Variants in TAF1 observed in about 807,000 individuals in gnomAD.
TAF1 encodes transcription initiation factor TFIID subunit 1.
In TAF1, 2 loss-of-function variants were observed where a neutral mutation model predicts 138.5. The ratio of observed to expected loss-of-function variants is 0.01; its 90% confidence interval spans 0.01 to 0.05. TAF1 has a LOEUF of 0.05. Among genes scored for constraint, TAF1 ranks in the 10% least tolerant of loss-of-function variants. The pLI is 1.00. For synonymous variants in TAF1, 437 were observed against 503.2 expected, an observed-to-expected ratio of 0.87 and a Z score of 1.76; for missense variants, 709 against 1,478.0, an observed-to-expected ratio of 0.48 and a Z score of 8.53.
intron 28 of TAF1, among the ~76,000 whole-genome samples, chrX:71,412,326 A>G (rs985769516): frequency 1.8e-5 from 2 of 108,260 alleles, no homozygotes; most frequent in Non-Finnish European, 3.8e-5. Context: ...CAAGAGTCTC[A>G]CTATGTTGCC....
At chrX:71,510,075 T>G (rs2039704152) in intron 13 of TAF1, among the ~76,000 whole-genome samples, 2 of 110,902 alleles carry the variant, frequency 1.8e-5, no homozygotes, top group South Asian at 7.7e-4. Flanking sequence ...GGCAGGAGGA[T>G]CACTTCAGCC....
chrX:71,488,679 T>G (rs749430373), intron 13 of TAF1, among the ~76,000 whole-genome samples: 1 of 111,783 alleles, frequency 8.9e-6, no homozygotes, highest in Non-Finnish European at 1.9e-5. Context: ...GTCTTTCTTC[T>G]TAGCTCAGAG....
intron 14 of TAF1, 72 bp downstream of exon 14, chrX:71,385,121 G>T (rs901042661): frequency 1.3e-6 from 1 of 782,863 alleles, no homozygotes; most frequent in African/African-American, 2.1e-5. Context: ...AGCTCAGAAA[G>T]AACTATTATA....
chrX:71,383,149 C>CA lies in TAF1; in HGVS notation c.1940dup (p.Ala648GlyfsTer31), dbSNP rs745516519. 3 of 1,196,958 alleles carry CA rather than the reference C, an allele frequency of 2.5e-6. No homozygotes were observed. Among genetic ancestry groups the CA allele is most frequent in the Admixed American group, 2.3e-5 (1 of 42,685 alleles). Reference sequence around the variant, plus strand: ...CAGTCCAACCTTTGCTAAAGCACATCAAAAAAAAGGCCAAGGTATAATTGA... The same window carrying CA: ...CAGTCCAACCTTTGCTAAAGCACATCAAAAAAAAAGGCCAAGGTATAATTGA... On this transcript the variant is annotated frameshift_variant, in exon 12 of 38. Transcript: ENST00000423759. LOFTEE classifies it high-confidence loss of function.
At chrX:71,424,568 C>T (rs1197958145) in intron 32 of TAF1, among the ~76,000 whole-genome samples, 5 of 109,946 alleles carry the variant, frequency 4.5e-5, no homozygotes, top group South Asian at 3.9e-4. Flanking sequence ...AATTTATGTG[C>T]GTAAAGCAAC....
chrX:71,408,204 C>G lies in TAF1; in HGVS notation c.4384+53C>G, dbSNP rs762729784. 2.6e-6 allele frequency: 3 copies of G among 1,167,656 alleles called. No homozygotes were observed. The Admixed American group carries it at 7.0e-5, about 27-fold the overall frequency. ...AAGGTCACTGTTCAGATCCTTATTC[C>G]TTACTGGCCCTAAATTCAGACTAGA... On this transcript the variant is annotated intron_variant, in intron 28 of 37. Coordinates refer to ENST00000423759, the MANE Select transcript of TAF1 (RefSeq NM_004606.5).
In TAF1 at chrX:71,406,663, C is replaced by T. The variant is rs200933793; in HGVS notation, c.4024C>T (p.Leu1342=). ...ESADEVRRKS[L]VLKFPKQQLP... ...TGCGGATGAGGTTCGCAGAAAATCTCTGGTTCTCAAGTTTCCTAAACAGCA... is the reference window on the plus strand; with the variant it reads ...TGCGGATGAGGTTCGCAGAAAATCTTTGGTTCTCAAGTTTCCTAAACAGCA... Residue 1342 remains leucine (L), a synonymous_variant, in exon 26 of 38, where the codon CTG becomes TTG. Transcript: ENST00000423759. The T allele has an allele frequency of 5.5e-5, 66 of 1,208,550 alleles. 1 individual carries two copies. The South Asian group carries it at 8.6e-4, about 16-fold the overall frequency.
intron 28 of TAF1, chrX:71,420,293 T>C (rs2036261847): frequency 3.7e-6 from 4 of 1,089,433 alleles, no homozygotes; most frequent in Non-Finnish European, 5.1e-6. Flanking sequence ...TTCCTCTAAA[T>C]AGGGAGTCAT....
chrX:71,412,657 C>T (rs1038033979), intron 28 of TAF1, among the ~76,000 whole-genome samples: 3 of 111,627 alleles, frequency 2.7e-5, no homozygotes, highest in South Asian at 7.4e-4. Flanking sequence ...GCACGATCTC[C>T]GCTCACTGCA....
chrX:71,392,047 AC>A (rs1196880806), intron 18 of TAF1, among the ~76,000 whole-genome samples: 1 of 111,305 alleles, frequency 9.0e-6, no homozygotes, highest in African/African-American at 3.3e-5. Flanking sequence ...GACCTTTTTG[AC>A]CAAACCAGTG....
At chrX:71,401,420 C>T (rs2063594500) in intron 24 of TAF1, 108 bp from the exon 25 acceptor site, 1 of 987,074 alleles carries the variant, frequency 1.0e-6, no homozygotes, top group Non-Finnish European at 1.4e-6. Flanking sequence ...GGTCCTGGAA[C>T]CAATCCCCTG....
intron 13 of TAF1, among the ~76,000 whole-genome samples, chrX:71,473,474 G>A (rs1360033473): frequency 9.1e-6 from 1 of 109,978 alleles, no homozygotes; most frequent in African/African-American, 3.3e-5. Context: ...AGTTTGAGAC[G>A]TTGCCATAGT....
chrX:71,473,240 A>C (rs763666869), intron 13 of TAF1, among the ~76,000 whole-genome samples: 22 of 111,583 alleles, frequency 2.0e-4, no homozygotes, highest in Middle Eastern at 4.6e-3. Flanking sequence ...TCAACTTTGC[A>C]GGGTATAGGC....
chrX:71,369,466 T>TA (rs2032852533), intron 3 of TAF1, among the ~76,000 whole-genome samples: 1 of 111,976 alleles, frequency 8.9e-6, no homozygotes, highest in African/African-American at 3.2e-5. Context: ...AACTTGAACT[T>TA]TAGAGAACTT....
intron 32 of TAF1, among the ~76,000 whole-genome samples, chrX:71,446,230 A>G: frequency 9.0e-6 from 1 of 111,196 alleles, no homozygotes; most frequent in East Asian, 2.8e-4. Context: ...ACTATTTTAT[A>G]TTTTATTGAT....
At chrX:71,395,445 C>T (rs191022006) in intron 22 of TAF1, among the ~76,000 whole-genome samples, 88 of 111,095 alleles carry the variant, frequency 7.9e-4, no homozygotes, top group Non-Finnish European at 1.3e-3. Flanking sequence ...GCAGAGGTTG[C>T]AGTGAGCTGA....
At chrX:71,416,980 CCAACA>C (rs1272915652) in intron 28 of TAF1, among the ~76,000 whole-genome samples, 2 of 97,108 alleles carry the variant, frequency 2.1e-5, no homozygotes, top group African/African-American at 7.7e-5. Flanking sequence ...ACCAGCCTGG[CCAACA>C]CTCCAACCTG....
intron 32 of TAF1, among the ~76,000 whole-genome samples, chrX:71,447,639 A>G (rs1379021112): frequency 9.2e-6 from 1 of 108,132 alleles, no homozygotes; most frequent in Non-Finnish European, 1.9e-5. Context: ...GGGGGTTGCA[A>G]TGAGCAGAGA....
In TAF1 at chrX:71,465,995, A is replaced by T. The variant is rs190486499; in HGVS notation, c.*1949A>T. ...GTATTATTTTTGTAATAAAAATTTT[A>T]AAAAATTCCAGCAGTAGTGTGGAGA... On this transcript the variant is annotated 3_prime_UTR_variant, in exon 38 of 38. Transcript: ENST00000423759. 3 of 112,109 alleles carry T rather than the reference A, an allele frequency of 2.7e-5. No homozygotes were observed. The highest frequency in any genetic ancestry group is 1.9e-4 in the Admixed American group (2 of 10,447). The allele number at this position is 112,109 out of a possible 1,213,427, so 9.2% of individuals were successfully genotyped here.
Sources: allele counts gnomAD v4.1 joint callset (sites outside exome capture counted in the v4.1 genomes callset), GRCh38; gene constraint gnomAD v4.1.1; transcripts MANE v1.5; gene names NCBI Gene and HGNC (gene_info 2026-07-23, HGNC 2026-07-21).